XRN2: variants seen among roughly 807,000 people sequenced by gnomAD.
The protein encoded by XRN2 is 5'-3' exoribonuclease 2.
XRN2 carries 44 observed loss-of-function variants against 138.5 expected under a neutral mutation model. The observed-to-expected ratio is 0.32, with a 90% confidence interval of 0.25 to 0.41. The LOEUF (loss-of-function observed/expected upper bound fraction) is 0.41, where lower values mean the gene tolerates loss of function less well. Ranked by LOEUF, XRN2 falls within the 10% of genes least tolerant of loss-of-function variation. The pLI, the probability that XRN2 is intolerant of heterozygous loss-of-function variation, is 1.00. For synonymous variants in XRN2, 354 were observed against 369.4 expected, an observed-to-expected ratio of 0.96 and a Z score of 0.48; for missense variants, 937 against 1,169.3, an observed-to-expected ratio of 0.80 and a Z score of 2.90.
chr20:21,321,628 T>C (rs1409954109), intron 1 of XRN2, among the ~76,000 whole-genome samples: 2 of 152,196 alleles, frequency 1.3e-5, no homozygotes, highest in African/African-American at 4.8e-5. Context: ...CTACTTTCAC[T>C]GTTCTTGAGA....
At chr20:21,381,709 CACAT>C (rs1230177278) in intron 27 of XRN2, among the ~76,000 whole-genome samples, 30 of 37,772 alleles carry the variant, frequency 7.9e-4, no homozygotes, top group Non-Finnish European at 1.1e-3. Flanking sequence ...TACTTACACA[CACAT>C]ACACACACAC....
rs756361519 is a variant in XRN2, at chr20:21,346,552, T to A, written c.1665+2T>A. 2 of 1,610,770 alleles carry A rather than the reference T, an allele frequency of 1.2e-6. No individual in the cohort carries two copies. The highest frequency in any genetic ancestry group is 1.7e-6 in the Non-Finnish European group (2 of 1,178,616). ...TGGGTTCTTAGATATTATTACCAGG[T>A]ACAAAAAGAATATTTTCCTCTGAAT... On this transcript the variant is annotated splice_donor_variant, in intron 17 of 29. Coordinates refer to ENST00000377191, the MANE Select transcript of XRN2 (RefSeq NM_012255.5). LOFTEE classifies it high-confidence loss of function.
chr20:21,348,116 A>AT (rs763713630), intron 17 of XRN2, 30 bp from the exon 18 acceptor site: 18 of 1,570,460 alleles, frequency 1.1e-5, no homozygotes, highest in Non-Finnish European at 1.4e-5. Context: ...TAGGTTTTTG[A>AT]TTTTGTTGTT....
chr20:21,372,817 C>A (rs969237090), intron 27 of XRN2, among the ~76,000 whole-genome samples: 5 of 151,890 alleles, frequency 3.3e-5, no homozygotes, highest in African/African-American at 4.8e-5. Context: ...CCAGGCACTA[C>A]CCCCTGCCCA....
intron 27 of XRN2, among the ~76,000 whole-genome samples, chr20:21,372,103 A>T (rs534022089): frequency 1.3e-5 from 2 of 152,272 alleles, no homozygotes; most frequent in Non-Finnish European, 2.9e-5. Flanking sequence ...AAATTGGGAG[A>T]TATGTTTTGT....
chr20:21,387,035 T>C lies in XRN2; in HGVS notation c.2787+29T>C, dbSNP rs777155246. On this transcript the variant is annotated intron_variant, in intron 29 of 29. Coordinates refer to ENST00000377191, the MANE Select transcript of XRN2 (RefSeq NM_012255.5). ...AATGGTTGTGGGATGAAAAGTATAC[T>C]GCTCACTTTATATTTCAACAAGCCT... The C allele has an allele frequency of 1.3e-5, 21 of 1,583,064 alleles. No homozygotes were observed. The South Asian group carries it at 2.2e-4, about 17-fold the overall frequency.
chr20:21,361,331 A>G (rs745866357), intron 24 of XRN2, among the ~76,000 whole-genome samples: 2 of 152,238 alleles, frequency 1.3e-5, no homozygotes, highest in Non-Finnish European at 2.9e-5. Flanking sequence ...GAGGTTACCT[A>G]TTAAGGAAAG....
chr20:21,365,910 TATATA>T (rs1430281573), intron 26 of XRN2, among the ~76,000 whole-genome samples: 87 of 121,346 alleles, frequency 7.2e-4, no homozygotes, highest in East Asian at 6.0e-3. Context: ...ATATATAATA[TATATA>T]ATATAATATA....
chr20:21,333,356 C>T (rs1600687331), intron 9 of XRN2, among the ~76,000 whole-genome samples, 188 bp from the exon 10 acceptor site: 1 of 152,122 alleles, frequency 6.6e-6, no homozygotes, highest in African/African-American at 2.4e-5. Context: ...GTTTGCTGAC[C>T]CCTGATCTAG....
intron 1 of XRN2, among the ~76,000 whole-genome samples, chr20:21,321,713 G>C (rs555425045): frequency 2.6e-5 from 4 of 152,186 alleles, no homozygotes; most frequent in African/African-American, 9.6e-5. Flanking sequence ...AATTTTTACA[G>C]GTTTTCTTGA....
intron 4 of XRN2, among the ~76,000 whole-genome samples, chr20:21,330,137 G>A (rs551330037): frequency 6.6e-6 from 1 of 152,160 alleles, no homozygotes; most frequent in African/African-American, 2.4e-5. Context: ...ACAAAAATTA[G>A]CCAGGCGTGG....
intron 1 of XRN2, among the ~76,000 whole-genome samples, chr20:21,309,065 GT>G (rs1361462211): frequency 1.3e-5 from 2 of 152,096 alleles, no homozygotes; most frequent in African/African-American, 4.8e-5. Context: ...TTGAATTCAA[GT>G]TTGCTAAAGT....
Position 21,365,692 on chromosome 20 carries a change from T to C in XRN2, c.2444T>C (p.Phe815Ser). The C allele has an allele frequency of 6.2e-7, 1 of 1,611,704 alleles. No homozygotes were observed. The highest frequency in any genetic ancestry group is 1.7e-4 in the Middle Eastern group (1 of 6,052). Residue 815 changes from phenylalanine to serine, a missense_variant, in exon 26 of 30, where the codon TTC (phenylalanine) becomes TCC (serine). By Grantham distance (155) the Phe-to-Ser change is radical. This residue lies in a region of XRN2 where 372 missense variants were observed against 414.4 expected (regional missense o/e 0.90). Transcript: ENST00000377191. ...RRPVHLDQAA[F>S]RTLGHVMPRG... The stretch of plus-strand genomic sequence containing the variant: ...CCTGTGCACCTGGATCAGGCAGCCT[T>C]CAGGACTTTGGGGTGAGTTGTCAGT...
Position 21,346,521 on chromosome 20 carries a change from C to G in XRN2, c.1636C>G (p.Leu546Val). 6.2e-7 allele frequency: 1 copy of G among 1,614,072 alleles called. No individual in the cohort carries two copies. Among genetic ancestry groups the G allele is most frequent in the South Asian group, 1.1e-5 (1 of 91,066 alleles). Residue 546 changes from leucine to valine, a missense_variant, in exon 17 of 30, where the codon CTT (leucine) becomes GTT (valine). By Grantham distance (32) the Leu-to-Val change is conservative. Transcript: ENST00000377191. Reference sequence around the variant, plus strand: ...AGTTGTGCAGTCGTACGTTGAAGGACTTTGCTGGGTTCTTAGATATTATTA... The same window carrying G: ...AGTTGTGCAGTCGTACGTTGAAGGAGTTTGCTGGGTTCTTAGATATTATTA... Reference protein sequence around the residue: ...RKVVQSYVEGLCWVLRYYYQG... With the variant: ...RKVVQSYVEGVCWVLRYYYQG...
chr20:21,383,221 T>G (rs1300598292), intron 28 of XRN2, among the ~76,000 whole-genome samples: 1 of 152,232 alleles, frequency 6.6e-6, no homozygotes, highest in African/African-American at 2.4e-5. Flanking sequence ...GTATATGTTC[T>G]GAAAGCACAC....
At position 21,354,790 on chromosome 20, in the gene XRN2, T is replaced by C; in HGVS notation, c.1938T>C (p.Gly646=). ...GTTCATTTGCACTTGTTTTTTCAGG[T>C]GTTGCTCTCTTGCCATTCGTGGATG... ...DLNGKKYAWQ[G]VALLPFVDER... Residue 646 remains glycine, a splice_region_variant and synonymous_variant, in exon 21 of 30, where the codon GGT becomes GGC. Transcript: ENST00000377191. 1.2e-6 allele frequency: 2 copies of C among 1,613,858 alleles called. No homozygotes were observed. Among genetic ancestry groups the C allele is most frequent in the Non-Finnish European group, 1.7e-6 (2 of 1,179,874 alleles).
At chr20:21,315,704 G>A (rs1007239090) in intron 1 of XRN2, among the ~76,000 whole-genome samples, 1 of 152,088 alleles carries the variant, frequency 6.6e-6, no homozygotes, top group African/African-American at 2.4e-5. Context: ...ATATTGCCCA[G>A]GCTGGTCTCG....
intron 1 of XRN2, among the ~76,000 whole-genome samples, chr20:21,322,186 T>C (rs1433567745): frequency 6.6e-6 from 1 of 152,222 alleles, no homozygotes; most frequent in Non-Finnish European, 1.5e-5. Flanking sequence ...GTAACAGTGC[T>C]TATCACGTTA....
intron 24 of XRN2, among the ~76,000 whole-genome samples, chr20:21,364,532 C>A (rs1381632808): frequency 6.6e-6 from 1 of 152,114 alleles, no homozygotes; most frequent in Non-Finnish European, 1.5e-5. Context: ...ACTGTCCAGG[C>A]GCGGTGGCTC....
Sources: gnomAD v4.1 joint callset for allele counts (sites outside exome capture counted in the v4.1 genomes callset) on GRCh38, gnomAD v4.1.1 for gene constraint, gnomAD v4.1.1 regional missense constraint, MANE v1.5 for transcripts, NCBI Gene and HGNC (gene_info 2026-07-23, HGNC 2026-07-21) for gene names.